Variants in NR6A1 observed in about 807,000 individuals in gnomAD.
NR6A1 encodes the protein retinoic acid receptor-related testis-associated receptor.
A neutral mutation model predicts 59.1 loss-of-function variants in NR6A1; 7 were observed. The ratio of observed to expected loss-of-function variants is 0.12; its 90% CI spans 0.07 to 0.22. The LOEUF is 0.22. Ranked by LOEUF, NR6A1 falls within the 10% of genes least tolerant of loss-of-function variation. NR6A1 has a pLI of 1.00. For synonymous variants in NR6A1, 243 were observed against 236.1 expected (o/e 1.03, Z -0.27); for missense variants, 468 against 611.6 (o/e 0.77, Z 2.48).
At chr9:124,749,121 G>A (rs1305785094) in intron 1 of NR6A1, among the ~76,000 whole-genome samples, 1 of 152,002 alleles carries the variant, frequency 6.6e-6, no homozygotes, top group Non-Finnish European at 1.5e-5. Flanking sequence ...AATTAGCCGA[G>A]TGTAGTGGCG....
rs1832879174 is a variant in NR6A1, at chr9:124,524,573, C to T, written c.1354+148G>A. ...GGAGAATGCAAGCTTCTCATTATAA[C>T]AGACCTTTTTTGAGGGCAAGGGTGA... On this transcript the variant is annotated intron_variant, in intron 9 of 9. Coordinates refer to ENST00000487099, the MANE Select transcript of NR6A1 (RefSeq NM_033334.4). 7 of 787,940 alleles carry T rather than the reference C, an allele frequency of 8.9e-6. No individual in the cohort carries two copies. In the South Asian group the frequency reaches 1.5e-4, roughly 17 times the overall value. The allele number at this position is 787,940 out of a possible 1,614,324, so 48.8% of individuals were successfully genotyped here. A position where few individuals can be genotyped will look rare whatever the true frequency, so the allele number is the denominator to read the frequency against.
At chr9:124,745,583 A>C (rs1364137868) in intron 1 of NR6A1, among the ~76,000 whole-genome samples, 1 of 151,976 alleles carries the variant, frequency 6.6e-6, no homozygotes, top group African/African-American at 2.4e-5. Context: ...AGGCAGGAGA[A>C]TCGCTTGAAC....
chr9:124,590,919 T>G (rs1835100487), intron 2 of NR6A1, among the ~76,000 whole-genome samples: 1 of 152,246 alleles, frequency 6.6e-6, no homozygotes, highest in South Asian at 2.1e-4. Flanking sequence ...CTCTCCATTT[T>G]CTTCCAATCA....
chr9:124,739,608 C>T (rs1048240671), intron 1 of NR6A1, among the ~76,000 whole-genome samples: 2 of 152,168 alleles, frequency 1.3e-5, no homozygotes, highest in African/African-American at 4.8e-5. Context: ...GTGTGCACCA[C>T]CACACATTTG....
chr9:124,752,827 AAG>A (rs1391224564), intron 1 of NR6A1, among the ~76,000 whole-genome samples: 1 of 152,010 alleles, frequency 6.6e-6, no homozygotes, highest in Admixed American at 6.5e-5. Flanking sequence ...AAAAAAAAAA[AAG>A]ATCAGAAAAA....
intron 2 of NR6A1, chr9:124,693,699 A>G (rs554058407): frequency 2.1e-5 from 11 of 534,214 alleles, no homozygotes; most frequent in South Asian, 1.5e-4. Context: ...CAACCCCACC[A>G]ACTGAAAACA....
intron 2 of NR6A1, among the ~76,000 whole-genome samples, chr9:124,674,968 C>A (rs572240957): frequency 2.0e-5 from 3 of 152,328 alleles, no homozygotes; most frequent in South Asian, 4.1e-4. Context: ...ACACAGCTAA[C>A]CTTTGTGCGT....
intron 2 of NR6A1, among the ~76,000 whole-genome samples, chr9:124,634,988 A>C (rs1836559714): frequency 6.6e-6 from 1 of 152,214 alleles, no homozygotes; most frequent in African/African-American, 2.4e-5. Flanking sequence ...TGATGAAACT[A>C]CATTGACACA....
At chr9:124,725,776 CAACTT>C (rs1247334354) in intron 2 of NR6A1, among the ~76,000 whole-genome samples, 1 of 152,060 alleles carries the variant, frequency 6.6e-6, no homozygotes, top group Non-Finnish European at 1.5e-5. Context: ...CGTCTCTAGT[CAACTT>C]AAGAGAAAAA....
At chr9:124,637,908 A>AG (rs1554738026) in intron 2 of NR6A1, among the ~76,000 whole-genome samples, 23 of 147,798 alleles carry the variant, frequency 1.6e-4, no homozygotes, top group South Asian at 1.1e-3. Flanking sequence ...AAAAAAAAAA[A>AG]AAAAGAAAAA....
intron 2 of NR6A1, among the ~76,000 whole-genome samples, chr9:124,708,746 A>G (rs1839200639): frequency 6.6e-6 from 1 of 152,224 alleles, no homozygotes; most frequent in Non-Finnish European, 1.5e-5. Context: ...AATGATGACT[A>G]GGGCAAAAGT....
At chr9:124,569,781 A>G (rs999523474) in intron 2 of NR6A1, among the ~76,000 whole-genome samples, 1 of 152,204 alleles carries the variant, frequency 6.6e-6, no homozygotes, top group Non-Finnish European at 1.5e-5. Flanking sequence ...AAATCATCGC[A>G]CTGTTCCTCT....
chr9:124,587,872 C>T (rs1834980877), intron 2 of NR6A1, among the ~76,000 whole-genome samples: 1 of 152,262 alleles, frequency 6.6e-6, no homozygotes, highest in Non-Finnish European at 1.5e-5. Context: ...ATCAATAATT[C>T]CCCCCTCCCT....
intron 1 of NR6A1, among the ~76,000 whole-genome samples, chr9:124,734,667 T>C (rs950005640): frequency 1.3e-5 from 2 of 151,670 alleles, no homozygotes; most frequent in African/African-American, 4.8e-5. Flanking sequence ...CACTCCAGCC[T>C]GGGCAACAGA....
rs551120597 is a variant in NR6A1, at chr9:124,524,405, ACT to A, written c.1354+314_1354+315del. 5.5e-3 allele frequency among the ~76,000 whole-genome samples: 844 copies of A among 152,314 alleles called. 6 individuals are homozygous for A. The highest frequency in any genetic ancestry group is 0.019 in the African/African-American group (801 of 41,568). On this transcript the variant is annotated intron_variant, in intron 9 of 9. Coordinates refer to ENST00000487099, the MANE Select transcript of NR6A1 (RefSeq NM_033334.4). ...TCAAGAAATTAAGTTAATTTGAGAT[ACT>A]CTGAGTCTCTGTTTCCTCATCCATA...
At chr9:124,742,730 G>A (rs1840209986) in intron 1 of NR6A1, among the ~76,000 whole-genome samples, 1 of 151,928 alleles carries the variant, frequency 6.6e-6, no homozygotes, top group Non-Finnish European at 1.5e-5. Flanking sequence ...CAAAAAATTA[G>A]CCAGGCATGG....
chr9:124,550,375 A>AT (rs58594452), intron 3 of NR6A1, among the ~76,000 whole-genome samples: 12,865 of 117,432 alleles, frequency 0.11, 353 homozygotes, highest in East Asian at 0.15. Flanking sequence ...CTAATGGTGA[A>AT]TTTTTTTTTT....
chr9:124,697,748 G>A (rs1006179392), intron 2 of NR6A1, among the ~76,000 whole-genome samples: 13 of 151,954 alleles, frequency 8.6e-5, no homozygotes, highest in Admixed American at 5.2e-4. Context: ...TGTGGAAATA[G>A]ATTTCTGGAA....
rs545325639 is a variant in NR6A1, at chr9:124,608,300, C to G, written c.143-53730G>C. On this transcript the variant is annotated intron_variant, in intron 2 of 9. Coordinates refer to ENST00000487099, the MANE Select transcript of NR6A1 (RefSeq NM_033334.4). ...ATTTTTCCTGATGCTCTCCCTCCCC[C>G]ACCCCCAACAGGCCCCAGTGTGTGT... Among the ~76,000 whole-genome samples the G allele has an allele frequency of 1.2e-4, 18 of 152,104 alleles. No homozygotes were observed. The South Asian group carries it at 2.3e-3, about 19-fold the overall frequency.
Sources: gnomAD v4.1 joint callset for allele counts (sites outside exome capture counted in the v4.1 genomes callset) on GRCh38, gnomAD v4.1.1 for gene constraint, MANE v1.5 for transcripts, NCBI Gene and HGNC (gene_info 2026-07-23, HGNC 2026-07-21) for gene names.